The following FAM78B variants were observed in gnomAD, a reference collection of about 807,000 sequenced individuals.
FAM78B encodes the protein protein FAM78B.
A neutral mutation model predicts 20.0 loss-of-function variants in FAM78B; 10 were observed. The observed-to-expected ratio is 0.50, with a 90% CI of 0.31 to 0.85. FAM78B has a LOEUF of 0.85. Ranked by LOEUF, FAM78B falls within the 40% of genes least tolerant of loss-of-function variation. The pLI is 0.05. For missense variants in FAM78B, 283 were observed against 345.0 expected (o/e 0.82, Z 1.42); for synonymous variants, 135 against 132.8 (o/e 1.02, Z -0.12).
At chr1:166,070,849 T>C in intron 1 of FAM78B, 86 bp from the exon 2 acceptor site, 1 of 1,418,118 alleles carries the variant, frequency 7.1e-7, no homozygotes, top group Non-Finnish European at 9.3e-7. Flanking sequence ...CTTACTAACA[T>C]AGTCAACTTG....
chr1:166,142,689 TAA>T (rs1655321855), intron 1 of FAM78B, among the ~76,000 whole-genome samples: 1 of 152,220 alleles, frequency 6.6e-6, no homozygotes, highest in African/African-American at 2.4e-5. Context: ...CCTTGTCTTC[TAA>T]GTCTCTTACC....
At chr1:166,118,166 A>T (rs1433282704) in intron 1 of FAM78B, among the ~76,000 whole-genome samples, 1 of 152,218 alleles carries the variant, frequency 6.6e-6, no homozygotes, top group African/African-American at 2.4e-5. Context: ...TGCCTTCACT[A>T]AGAACCTGCT....
At chr1:166,121,076 G>C (rs1179281203) in intron 1 of FAM78B, among the ~76,000 whole-genome samples, 1 of 152,112 alleles carries the variant, frequency 6.6e-6, no homozygotes, top group Admixed American at 6.6e-5. Flanking sequence ...GTAGAGCCTC[G>C]GGCAATTTTT....
chr1:166,137,413 A>G (rs1451692919), intron 1 of FAM78B, among the ~76,000 whole-genome samples: 1 of 152,210 alleles, frequency 6.6e-6, no homozygotes, highest in Non-Finnish European at 1.5e-5. Context: ...TAATAAAATT[A>G]AGCATCAGAA....
At chr1:166,130,918 G>A (rs764434236) in intron 1 of FAM78B, among the ~76,000 whole-genome samples, 5 of 151,210 alleles carry the variant, frequency 3.3e-5, no homozygotes, top group African/African-American at 4.9e-5. Context: ...AAGCTTGGCC[G>A]ATGTCACAAG....
chr1:166,153,887 T>C (rs60046770), intron 1 of FAM78B, among the ~76,000 whole-genome samples: 363 of 152,308 alleles, frequency 2.4e-3, no homozygotes, highest in African/African-American at 8.4e-3. Flanking sequence ...GGGTGTTGCC[T>C]AGACCTGTTC....
intron 1 of FAM78B, among the ~76,000 whole-genome samples, chr1:166,075,649 C>T (rs568188721): frequency 1.3e-5 from 2 of 152,298 alleles, no homozygotes; most frequent in East Asian, 3.9e-4. Flanking sequence ...TCTTGTTTCT[C>T]TTTATATCTC....
chr1:166,082,305 G>A (rs1013177470), intron 1 of FAM78B, among the ~76,000 whole-genome samples: 2 of 152,176 alleles, frequency 1.3e-5, no homozygotes, highest in Non-Finnish European at 2.9e-5. Flanking sequence ...GACTTGCTGG[G>A]CCTTTGGATT....
intron 1 of FAM78B, among the ~76,000 whole-genome samples, chr1:166,075,912 G>C (rs1652251724): frequency 6.6e-6 from 1 of 152,132 alleles, no homozygotes; most frequent in Non-Finnish European, 1.5e-5. Flanking sequence ...AAAAACTTTG[G>C]AGTCACTCTT....
In FAM78B at chr1:166,109,814, G is replaced by GTATATA. The variant is rs201957585; in HGVS notation, c.264-39057_264-39052dup. ...GAAACTGTGATATATATGTATATATGTATATATATATATATATGTATATAT... is the reference window on the plus strand; with the variant it reads ...GAAACTGTGATATATATGTATATATGTATATATATATATATATATATATGTATATAT... On this transcript the variant is annotated intron_variant, in intron 1 of 1. Transcript: ENST00000354422. Among the ~76,000 whole-genome samples, 28 of 32,614 alleles carry GTATATA rather than the reference G, an allele frequency of 8.6e-4. 2 individuals are homozygous for GTATATA. The highest frequency in any genetic ancestry group is 2.3e-3 in the South Asian group (2 of 858). The allele number at this position is 32,614 out of a possible 152,430, so 21.4% of individuals were successfully genotyped here. A position where few individuals can be genotyped will look rare whatever the true frequency, so the allele number is the denominator to read the frequency against.
chr1:166,153,539 G>C (rs7547286), intron 1 of FAM78B, among the ~76,000 whole-genome samples: 26,346 of 152,186 alleles, frequency 0.17, 3,007 homozygotes, highest in East Asian at 0.44. Flanking sequence ...ATGCCAGGCA[G>C]GCAGGACAAC....
chr1:166,115,737 AGAG>A (rs1470875284), intron 1 of FAM78B, among the ~76,000 whole-genome samples: 2 of 152,226 alleles, frequency 1.3e-5, no homozygotes, highest in African/African-American at 4.8e-5. Context: ...AAGGGCTTCC[AGAG>A]GAGATGACAC....
At chr1:166,140,521 A>G (rs755992868) in intron 1 of FAM78B, among the ~76,000 whole-genome samples, 1 of 152,264 alleles carries the variant, frequency 6.6e-6, no homozygotes, top group South Asian at 2.1e-4. Flanking sequence ...ACTGAGCCAG[A>G]GCAGCGAGAA....
chr1:166,070,231 C>T lies in FAM78B; in HGVS notation c.*10G>A, dbSNP rs758102074. Reference sequence around the variant, plus strand: ...GCGTGTGATCCACACACAGTCAGGCCAGTCTGCTTCTACTTAGGAGGGATC... The same window carrying T: ...GCGTGTGATCCACACACAGTCAGGCTAGTCTGCTTCTACTTAGGAGGGATC... On this transcript the variant is annotated 3_prime_UTR_variant, in exon 2 of 2. Transcript: ENST00000354422. The T allele has an allele frequency of 6.6e-7, 1 of 1,518,238 alleles. No individual in the cohort carries two copies. The highest frequency in any genetic ancestry group is 8.8e-7 in the Non-Finnish European group (1 of 1,132,708). 94.0% of individuals were successfully genotyped at this position (1,518,238 alleles called of 1,614,324 possible).
intron 1 of FAM78B, among the ~76,000 whole-genome samples, chr1:166,124,641 A>G (rs1289586966): frequency 1.3e-5 from 2 of 152,248 alleles, no homozygotes; most frequent in African/African-American, 2.4e-5. Flanking sequence ...AACAGGCTTC[A>G]GTCTACCTGG....
chr1:166,064,814 T>C (rs368240110), downstream of FAM78B, among the ~76,000 whole-genome samples: 3 of 152,238 alleles, frequency 2.0e-5, no homozygotes, highest in African/African-American at 7.2e-5. Context: ...ACTGTCCTAC[T>C]TTGTCTTTCT....
rs759808562 is a variant in FAM78B at position 166,070,518 on chromosome 1, G to A, written c.509C>T (p.Thr170Met). Residue 170 changes from threonine to methionine, a missense_variant, in exon 2 of 2, where the codon ACG (threonine) becomes ATG (methionine). Coordinates refer to ENST00000354422, the MANE Select transcript of FAM78B (RefSeq NM_001017961.5). ...LTRIKRDQSFTTWLVAMNTTT... is the reference protein window; with the variant it reads ...LTRIKRDQSFMTWLVAMNTTT... ...GGTGTTCATGGCCACCAGCCAGGTC[G>A]TGAAACTTTGGTCTCTCTTGATTCT... 19 of 1,614,082 alleles carry A rather than the reference G, an allele frequency of 1.2e-5. No individual in the cohort carries two copies. The highest frequency in any genetic ancestry group is 1.6e-4 in the Middle Eastern group (1 of 6,062).
chr1:166,129,031 G>A (rs930578308), intron 1 of FAM78B, among the ~76,000 whole-genome samples: 5 of 152,176 alleles, frequency 3.3e-5, no homozygotes, highest in African/African-American at 1.2e-4. Flanking sequence ...GCCAAGATGC[G>A]AATGTGATTG....
chr1:166,126,705 C>T (rs1292344271), intron 1 of FAM78B, among the ~76,000 whole-genome samples: 1 of 152,062 alleles, frequency 6.6e-6, no homozygotes, highest in Non-Finnish European at 1.5e-5. Context: ...GTGTAATATA[C>T]ACAATAATAC....
Sources: allele counts gnomAD v4.1 joint callset (sites outside exome capture counted in the v4.1 genomes callset), GRCh38; gene constraint gnomAD v4.1.1; transcripts MANE v1.5; gene names NCBI Gene and HGNC (gene_info 2026-07-23, HGNC 2026-07-21).